TMTC1: variants seen among roughly 807,000 people sequenced by gnomAD.
TMTC1 encodes transmembrane O-mannosyltransferase targeting cadherins 1, also known as protein O-mannosyl-transferase TMTC1.
In TMTC1, 73 loss-of-function variants were observed where a neutral mutation model predicts 104.8. The observed-to-expected ratio is 0.70, with a 90% confidence interval of 0.58 to 0.85. The LOEUF is 0.85. Ranked by LOEUF, TMTC1 falls within the 40% of genes least tolerant of loss-of-function variation. The pLI, the probability that TMTC1 is intolerant of heterozygous loss-of-function variation, is 0.00. For synonymous variants in TMTC1, 434 were observed against 428.7 expected, an observed-to-expected ratio of 1.01 and a Z score of -0.15; for missense variants, 1,035 against 1,096.1, an observed-to-expected ratio of 0.94 and a Z score of 0.79.
chr12:29,715,244 G>C (rs1942043579), intron 5 of TMTC1, among the ~76,000 whole-genome samples: 1 of 152,118 alleles, frequency 6.6e-6, no homozygotes, highest in African/African-American at 2.4e-5. Context: ...AAAGACCAAT[G>C]AGTCATTTTT....
chr12:29,693,317 G>T (rs1189220255), intron 5 of TMTC1, among the ~76,000 whole-genome samples: 1 of 144,602 alleles, frequency 6.9e-6, no homozygotes, highest in Admixed American at 7.1e-5. Context: ...GATCAAATCA[G>T]GATAATTAGC....
chr12:29,653,273 T>C (rs188970943), intron 5 of TMTC1, among the ~76,000 whole-genome samples: 2 of 152,024 alleles, frequency 1.3e-5, no homozygotes. Context: ...TAGGAAGCTA[T>C]TTCAGGAACA....
At chr12:29,546,187 G>T (rs1944937693) in intron 10 of TMTC1, among the ~76,000 whole-genome samples, 1 of 152,180 alleles carries the variant, frequency 6.6e-6, no homozygotes, top group African/African-American at 2.4e-5. Context: ...GAGAGTGATG[G>T]GCTTGTCCTA....
intron 10 of TMTC1, among the ~76,000 whole-genome samples, chr12:29,547,243 T>G (rs2136231427): frequency 6.6e-6 from 1 of 152,326 alleles, no homozygotes; most frequent in South Asian, 2.1e-4. Flanking sequence ...CACCCAGCAC[T>G]TCCTGGGCAG....
chr12:29,694,376 C>T (rs1048452926), intron 5 of TMTC1, among the ~76,000 whole-genome samples: 1 of 152,110 alleles, frequency 6.6e-6, no homozygotes, highest in Non-Finnish European at 1.5e-5. Context: ...TATTCAAATC[C>T]CTGATATAAA....
chr12:29,575,989 A>T (rs1009102741), intron 8 of TMTC1, among the ~76,000 whole-genome samples: 11 of 152,124 alleles, frequency 7.2e-5, no homozygotes, highest in Non-Finnish European at 1.6e-4. Flanking sequence ...CGTTTCCCTG[A>T]TGATTAGTGA....
At chr12:29,623,347 G>T (rs973567219) in intron 6 of TMTC1, among the ~76,000 whole-genome samples, 1 of 152,172 alleles carries the variant, frequency 6.6e-6, no homozygotes, top group Non-Finnish European at 1.5e-5. Flanking sequence ...TTAATAAAAT[G>T]CAAATAAGTA....
At chr12:29,638,953 A>G (rs150950840) in intron 5 of TMTC1, among the ~76,000 whole-genome samples, 1 of 152,312 alleles carries the variant, frequency 6.6e-6, no homozygotes, top group East Asian at 1.9e-4. Flanking sequence ...ACAGGCCTAC[A>G]CAGGCATTAC....
chr12:29,743,381 C>A (rs187338910), intron 5 of TMTC1, among the ~76,000 whole-genome samples: 9 of 152,216 alleles, frequency 5.9e-5, no homozygotes, highest in African/African-American at 2.2e-4. Context: ...CAGTGGTACT[C>A]ATAATGTTGA....
chr12:29,502,094 T>C lies in TMTC1; in HGVS notation c.*4752A>G, dbSNP rs1004400580. ...GCTTTTATCTTATTCAACTGCAACC[T>C]CAATGCTAGATTTGACAGGTACTTA... On this transcript the variant is annotated 3_prime_UTR_variant, in exon 18 of 18. Transcript: ENST00000539277. 8.5e-5 allele frequency: 13 copies of C among 152,162 alleles called. No individual in the cohort carries two copies. The highest frequency in any genetic ancestry group is 5.9e-4 in the Admixed American group (9 of 15,274). The allele number at this position is 152,162 out of a possible 1,614,324, so 9.4% of individuals were successfully genotyped here. A position where few individuals can be genotyped will look rare whatever the true frequency, so the allele number is the denominator to read the frequency against.
chr12:29,607,475 C>T (rs1000815711), intron 6 of TMTC1, among the ~76,000 whole-genome samples: 1 of 152,086 alleles, frequency 6.6e-6, no homozygotes, highest in Non-Finnish European at 1.5e-5. Flanking sequence ...TAAACGTTTA[C>T]AAGGAAGACA....
intron 11 of TMTC1, among the ~76,000 whole-genome samples, chr12:29,525,305 C>T (rs148419381): frequency 0.015 from 2,285 of 150,662 alleles, 62 homozygotes; most frequent in African/African-American, 0.051. Context: ...GCCTCAGCCT[C>T]CCAATTAGCT....
intron 5 of TMTC1, among the ~76,000 whole-genome samples, chr12:29,729,447 T>A (rs906336880): frequency 2.6e-5 from 4 of 152,078 alleles, no homozygotes; most frequent in Non-Finnish European, 5.9e-5. Context: ...AGGGGGAACC[T>A]GGCCCAAGAG....
At chr12:29,774,600 T>C (rs969781475) in intron 1 of TMTC1, among the ~76,000 whole-genome samples, 1 of 152,202 alleles carries the variant, frequency 6.6e-6, no homozygotes, top group Non-Finnish European at 1.5e-5. Context: ...ACTGTTCATC[T>C]TTCTTTTTCC....
intron 2 of TMTC1, among the ~76,000 whole-genome samples, chr12:29,764,337 T>C (rs1943416423): frequency 6.6e-6 from 1 of 152,194 alleles, no homozygotes; most frequent in Non-Finnish European, 1.5e-5. Context: ...GTATACTATA[T>C]GTATAAGGCT....
chr12:29,747,891 G>T (rs1010212950), intron 5 of TMTC1, among the ~76,000 whole-genome samples: 6 of 152,150 alleles, frequency 3.9e-5, no homozygotes, highest in African/African-American at 1.4e-4. Context: ...CTGGGATCAA[G>T]TAAGTGATAG....
intron 5 of TMTC1, among the ~76,000 whole-genome samples, chr12:29,704,923 T>A (rs1591951639): frequency 6.6e-6 from 1 of 152,276 alleles, no homozygotes; most frequent in Middle Eastern, 3.4e-3. Context: ...AGAACCAGAA[T>A]AATAAGAAAA....
chr12:29,516,141 C>G lies in TMTC1; in HGVS notation c.2307+208G>C, dbSNP rs536534879. 3.3e-5 allele frequency among the ~76,000 whole-genome samples: 5 copies of G among 152,112 alleles called. No individual in the cohort carries two copies. The South Asian group carries it at 1.0e-3, about 32-fold the overall frequency. On this transcript the variant is annotated intron_variant, in intron 15 of 17. Transcript: ENST00000539277. ...GACAATACCACATAAAAGCTTTACA[C>G]CAAAGATAAGCCAAGAAAAATATTA...
At chr12:29,598,900 T>C (rs1162233582) in intron 7 of TMTC1, among the ~76,000 whole-genome samples, 1 of 152,232 alleles carries the variant, frequency 6.6e-6, no homozygotes, top group African/African-American at 2.4e-5. Context: ...TCTTCTTTTC[T>C]AATGTGAATG....
Sources: gnomAD v4.1 joint callset for allele counts (sites outside exome capture counted in the v4.1 genomes callset) on GRCh38, gnomAD v4.1.1 for gene constraint, MANE v1.5 for transcripts, NCBI Gene and HGNC (gene_info 2026-07-23, HGNC 2026-07-21) for gene names.